GNAL: variants seen among roughly 807,000 people sequenced by gnomAD.
The protein encoded by GNAL is G protein subunit alpha L.
GNAL carries 18 observed loss-of-function variants against 55.1 expected under a neutral mutation model. That is an observed-to-expected ratio of 0.33 (90% CI 0.23 to 0.48). The LOEUF is 0.48. Among genes scored for constraint, GNAL ranks in the 20% least tolerant of loss-of-function variants. The pLI is 0.99. For synonymous variants in GNAL, 253 were observed against 237.0 expected, an observed-to-expected ratio of 1.07 and a Z score of -0.62; for missense variants, 412 against 614.1, an observed-to-expected ratio of 0.67 and a Z score of 3.48.
intron 4 of GNAL, among the ~76,000 whole-genome samples, chr18:11,790,892 C>T (rs1170094305): frequency 1.3e-5 from 2 of 152,050 alleles, no homozygotes; most frequent in African/African-American, 2.4e-5. Flanking sequence ...CTCCTGACCT[C>T]GTAATCCGCC....
At chr18:11,855,658 G>A (rs998736840) in intron 5 of GNAL, among the ~76,000 whole-genome samples, 7 of 152,058 alleles carry the variant, frequency 4.6e-5, no homozygotes, top group Non-Finnish European at 1.0e-4. Flanking sequence ...CTGTGTGCCC[G>A]CCCTGCTGTC....
intron 4 of GNAL, among the ~76,000 whole-genome samples, chr18:11,807,152 C>G (rs1381135332): frequency 6.6e-6 from 1 of 151,282 alleles, no homozygotes; most frequent in African/African-American, 2.4e-5. Context: ...GAGCGAGACT[C>G]TGTCTCAAAA....
intron 4 of GNAL, among the ~76,000 whole-genome samples, chr18:11,765,165 C>T (rs1436334970): frequency 6.6e-6 from 1 of 152,218 alleles, no homozygotes; most frequent in African/African-American, 2.4e-5. Flanking sequence ...CTCACCAGCA[C>T]ACCAAGAAAT....
intron 1 of GNAL, among the ~76,000 whole-genome samples, chr18:11,726,526 T>TGA (rs35078777): frequency 0.017 from 2,575 of 152,358 alleles, 56 homozygotes; most frequent in African/African-American, 0.052. Context: ...CCCAGGCCTC[T>TGA]GCCCCTCTCT....
intron 1 of GNAL, among the ~76,000 whole-genome samples, chr18:11,699,560 G>T (rs563344246): frequency 1.3e-3 from 151 of 112,802 alleles, no homozygotes; most frequent in African/African-American, 2.5e-3. Context: ...TTTTTTTGAG[G>T]GGGGGGGTTG....
intron 1 of GNAL, among the ~76,000 whole-genome samples, chr18:11,749,357 T>C (rs2032762959): frequency 6.6e-6 from 1 of 152,212 alleles, no homozygotes; most frequent in Non-Finnish European, 1.5e-5. Context: ...AAGTAATTCA[T>C]TGCATTTTTT....
At position 11,767,822 on chromosome 18, in the gene GNAL, T is replaced by A. The variant is rs74942716; in HGVS notation, c.624+13877T>A. Among the ~76,000 whole-genome samples the A allele has an allele frequency of 6.5e-4, 99 of 152,360 alleles. 2 individuals are homozygous for A. The East Asian group carries it at 0.016, about 25-fold the overall frequency. On this transcript the variant is annotated intron_variant, in intron 4 of 11. Transcript: ENST00000334049. ...ACCATCTTCAAAACCCTGCCTTGCC[T>A]GCTTTTTTTTCTTCCTCTACCTGAA...
At position 11,884,853 on chromosome 18, in the gene GNAL, G is replaced by C; in HGVS notation, c.*3718G>C. Reference sequence around the variant, plus strand: ...AGACAAGTAAGGCCCAAGTGTGCCTGAGTGGAAAATGTCTGGGACACTGAC... The same window carrying C: ...AGACAAGTAAGGCCCAAGTGTGCCTCAGTGGAAAATGTCTGGGACACTGAC... On this transcript the variant is annotated 3_prime_UTR_variant, in exon 12 of 12. Coordinates refer to ENST00000334049, the MANE Select transcript of GNAL (RefSeq NM_182978.4). The C allele has an allele frequency of 7.3e-7, 1 of 1,372,548 alleles. No homozygotes were observed. The highest frequency in any genetic ancestry group is 9.4e-7 in the Non-Finnish European group (1 of 1,060,474). 85.0% of individuals were successfully genotyped at this position (1,372,548 alleles called of 1,614,324 possible).
chr18:11,695,132 C>T lies in GNAL; in HGVS notation c.376+5193C>T, dbSNP rs1421619459. On this transcript the variant is annotated intron_variant, in intron 1 of 11. Coordinates refer to ENST00000334049, the MANE Select transcript of GNAL (RefSeq NM_182978.4). Reference sequence around the variant, plus strand: ...ATAACAAGGGCTAAGGCGGGGAGTGCGTGCCCTGTCTAAAAGGGACAGCTG... The same window carrying T: ...ATAACAAGGGCTAAGGCGGGGAGTGTGTGCCCTGTCTAAAAGGGACAGCTG... Among the ~76,000 whole-genome samples the T allele has an allele frequency of 3.3e-5, 5 of 152,276 alleles. No homozygotes were observed. The South Asian group carries it at 8.3e-4, about 25-fold the overall frequency.
chr18:11,836,946 A>G (rs1231469919), intron 5 of GNAL, among the ~76,000 whole-genome samples: 1 of 152,106 alleles, frequency 6.6e-6, no homozygotes, highest in Non-Finnish European at 1.5e-5. Context: ...CTAGTTTTCC[A>G]ATGAAAGCCA....
chr18:11,853,592 T>C (rs1430289127), intron 5 of GNAL: 2 of 167,058 alleles, frequency 1.2e-5, no homozygotes, highest in Admixed American at 1.3e-4. Context: ...TATTCACTAT[T>C]ATAACATGTT....
intron 1 of GNAL, among the ~76,000 whole-genome samples, chr18:11,712,385 G>C (rs913476614): frequency 6.6e-6 from 1 of 152,176 alleles, no homozygotes; most frequent in Admixed American, 6.5e-5. Flanking sequence ...TAATGCAACT[G>C]CTTTGGCTTT....
At chr18:11,853,010 C>T (rs1344306336) in intron 5 of GNAL, 2 of 167,080 alleles carry the variant, frequency 1.2e-5, no homozygotes, top group Non-Finnish European at 2.9e-5. Context: ...GTTACACACT[C>T]TTAACATTGC....
chr18:11,841,466 T>C (rs896007377), intron 5 of GNAL, among the ~76,000 whole-genome samples: 4 of 151,828 alleles, frequency 2.6e-5, no homozygotes, highest in Admixed American at 2.0e-4. Context: ...GCCAAAATGG[T>C]GAAACCCTGC....
chr18:11,841,855 T>C (rs1354477128), intron 5 of GNAL, among the ~76,000 whole-genome samples: 1 of 152,188 alleles, frequency 6.6e-6, no homozygotes, highest in Non-Finnish European at 1.5e-5. Context: ...CTATCCCCCA[T>C]ACTGTTCATT....
intron 1 of GNAL, among the ~76,000 whole-genome samples, chr18:11,701,100 A>G (rs1189458326): frequency 6.6e-6 from 1 of 152,226 alleles, no homozygotes; most frequent in East Asian, 1.9e-4. Context: ...ACAAGAACCT[A>G]AGAGAAAAAT....
At chr18:11,705,736 G>A (rs2031693198) in intron 1 of GNAL, among the ~76,000 whole-genome samples, 1 of 150,506 alleles carries the variant, frequency 6.6e-6, no homozygotes, top group African/African-American at 2.4e-5. Flanking sequence ...TATACCTGCT[G>A]GACATTTCTA....
At chr18:11,783,802 G>C (rs546289964) in intron 4 of GNAL, among the ~76,000 whole-genome samples, 3 of 152,104 alleles carry the variant, frequency 2.0e-5, no homozygotes, top group Non-Finnish European at 2.9e-5. Context: ...AATCTAGTGT[G>C]TATTTGGCAT....
At chr18:11,800,301 G>A (rs1157768656) in intron 4 of GNAL, among the ~76,000 whole-genome samples, 3 of 152,284 alleles carry the variant, frequency 2.0e-5, no homozygotes, top group East Asian at 3.9e-4. Context: ...CGAGCAGCAG[G>A]TGTCCAATCC....
Sources: allele counts gnomAD v4.1 joint callset (sites outside exome capture counted in the v4.1 genomes callset), GRCh38; gene constraint gnomAD v4.1.1; transcripts MANE v1.5; gene names NCBI Gene and HGNC (gene_info 2026-07-23, HGNC 2026-07-21).